CAGE1: variants seen among roughly 807,000 people sequenced by gnomAD.
CAGE1 encodes cancer antigen 1.
In CAGE1, 66 loss-of-function variants were observed where a neutral mutation model predicts 94.9. The ratio of observed to expected loss-of-function variants is 0.70; its 90% CI spans 0.57 to 0.85. The LOEUF (loss-of-function observed/expected upper bound fraction) is 0.85. Ranked by LOEUF, CAGE1 falls within the 40% of genes least tolerant of loss-of-function variation. The pLI, the probability that CAGE1 is intolerant of heterozygous loss-of-function variation, is 0.00. For missense variants in CAGE1, 865 were observed against 950.4 expected, an observed-to-expected ratio of 0.91 and a Z score of 1.18; for synonymous variants, 319 against 321.0, an observed-to-expected ratio of 0.99 and a Z score of 0.07.
intron 11 of CAGE1, among the ~76,000 whole-genome samples, chr6:7,336,111 T>C (rs527241340): frequency 6.6e-6 from 1 of 152,300 alleles, no homozygotes; most frequent in Non-Finnish European, 1.5e-5. Flanking sequence ...GAACAGAAGA[T>C]AATGTGAAAC....
intron 3 of CAGE1, among the ~76,000 whole-genome samples, chr6:7,385,456 C>A (rs1761090423): frequency 6.6e-6 from 1 of 152,198 alleles, no homozygotes; most frequent in South Asian, 2.1e-4. Context: ...ATATGATCCA[C>A]CACACCCAAC....
At chr6:7,329,382 G>A (rs2113335750) in intron 13 of CAGE1, 1 of 341,424 alleles carries the variant, frequency 2.9e-6, no homozygotes, top group Non-Finnish European at 5.3e-6. Flanking sequence ...TAGGAGGGCT[G>A]GAGCCAGATC....
At position 7,329,844 on chromosome 6, in the gene CAGE1, C is replaced by T. The variant is rs1758682905; in HGVS notation, c.2478+5G>A. On this transcript the variant is annotated splice_donor_5th_base_variant and intron_variant, in intron 13 of 13. Coordinates refer to ENST00000502583, the MANE Select transcript of CAGE1 (RefSeq NM_001170692.2). ...TTCTTTATCATGATCATCAAGGTGA[C>T]CTACCATGGTCATGGACTTCGGATG... The T allele has an allele frequency of 7.3e-7, 1 of 1,374,360 alleles. No homozygotes were observed. The highest frequency in any genetic ancestry group is 1.0e-6 in the Non-Finnish European group (1 of 976,852). The allele number at this position is 1,374,360 out of a possible 1,614,324, so 85.1% of individuals were successfully genotyped here.
At chr6:7,384,794 A>G (rs1161345002) in intron 3 of CAGE1, among the ~76,000 whole-genome samples, 2 of 151,618 alleles carry the variant, frequency 1.3e-5, no homozygotes, top group Non-Finnish European at 2.9e-5. Flanking sequence ...GGCTCACTGC[A>G]GTCTCAGCCT....
intron 3 of CAGE1, among the ~76,000 whole-genome samples, chr6:7,384,222 C>T (rs78386045): frequency 2.0e-5 from 3 of 152,064 alleles, no homozygotes; most frequent in East Asian, 1.9e-4. Context: ...GGACTACAGG[C>T]GCCCACCATC....
intron 9 of CAGE1, among the ~76,000 whole-genome samples, chr6:7,357,518 C>T (rs1759998188): frequency 6.6e-6 from 1 of 151,978 alleles, no homozygotes; most frequent in Non-Finnish European, 1.5e-5. Context: ...AAATAACAAC[C>T]CTTTTAAGTC....
intron 5 of CAGE1, 118 bp downstream of exon 5, chr6:7,372,955 T>C (rs1760593182): frequency 1.3e-6 from 1 of 795,194 alleles, no homozygotes; most frequent in African/African-American, 1.8e-5. Context: ...CGAGATCTGT[T>C]TCTTTCTTTA....
At position 7,339,545 on chromosome 6, in the gene CAGE1, CT is replaced by C. The variant is rs1329508509; in HGVS notation, c.2370-5456del. The C allele has an allele frequency of 5.1e-6, 4 of 783,480 alleles. No homozygotes were observed. Among genetic ancestry groups the C allele is most frequent in the Non-Finnish European group, 9.4e-6 (4 of 423,808 alleles). 48.5% of individuals were successfully genotyped at this position (783,480 alleles called of 1,614,324 possible). A position where few individuals can be genotyped will look rare whatever the true frequency, so the allele number is the denominator to read the frequency against. On this transcript the variant is annotated intron_variant, in intron 11 of 13. Transcript: ENST00000502583. This position sits in a 1 kb window ranked among gnomAD's most constrained non-coding sequence, Gnocchi z 4.7. ...AGATGCCATCAGTGACAAACTTCCT[CT>C]TCTTGGAAATTTGTAAGGCGATCTT...
intron 11 of CAGE1, among the ~76,000 whole-genome samples, chr6:7,345,458 G>C (rs1189803232): frequency 1.3e-5 from 2 of 152,176 alleles, no homozygotes; most frequent in East Asian, 1.9e-4. Context: ...GTGAGACCAA[G>C]TAGCCCAAGT....
At chr6:7,376,546 T>C (rs984115693) in intron 4 of CAGE1, among the ~76,000 whole-genome samples, 1 of 152,118 alleles carries the variant, frequency 6.6e-6, no homozygotes, top group Admixed American at 6.6e-5. Context: ...GCTGGCACCA[T>C]GGACCTAGCC....
intron 2 of CAGE1, among the ~76,000 whole-genome samples, chr6:7,386,410 A>G (rs1037008278): frequency 6.6e-6 from 1 of 152,226 alleles, no homozygotes; most frequent in Non-Finnish European, 1.5e-5. Context: ...TGAAGACAGG[A>G]AAGTTGTCAT....
chr6:7,332,197 G>A (rs540394690), intron 12 of CAGE1, among the ~76,000 whole-genome samples: 14 of 152,140 alleles, frequency 9.2e-5, no homozygotes, highest in Non-Finnish European at 2.1e-4. Flanking sequence ...TTTGTAGGAG[G>A]AGAGCAAAGG....
chr6:7,329,838 A>C lies in CAGE1; in HGVS notation c.2478+11T>G, dbSNP rs758184536. The C allele has an allele frequency of 1.1e-5, 15 of 1,339,048 alleles. No homozygotes were observed. The South Asian group carries it at 1.8e-4, about 16-fold the overall frequency. 82.9% of individuals were successfully genotyped at this position (1,339,048 alleles called of 1,614,324 possible). On this transcript the variant is annotated intron_variant, in intron 13 of 13. Transcript: ENST00000502583. ...GTAAGATTCTTTATCATGATCATCA[A>C]GGTGACCTACCATGGTCATGGACTT... is the stretch of plus-strand genomic sequence containing the variant.
Position 7,389,736 on chromosome 6 carries a change from G to T in CAGE1, c.-558C>A. ...AGCCCTATACAGCGCGCCATCCAGA[G>T]AGCTCCGGACTCCCAGCTCGGCGCA... On this transcript the variant is annotated 5_prime_UTR_variant, in exon 1 of 14. Transcript: ENST00000502583. The T allele has an allele frequency of 1.8e-6, 1 of 567,164 alleles. No homozygotes were observed. The highest frequency in any genetic ancestry group is 3.0e-5 in the East Asian group (1 of 33,768). 35.1% of individuals were successfully genotyped at this position (567,164 alleles called of 1,614,324 possible). A position where few individuals can be genotyped will look rare whatever the true frequency, so the allele number is the denominator to read the frequency against.
intron 1 of CAGE1, 52 bp downstream of exon 1, chr6:7,389,150 C>T: frequency 2.5e-6 from 1 of 407,264 alleles, no homozygotes; most frequent in Admixed American, 2.8e-5. Flanking sequence ...GAGTTACTCG[C>T]AAAAACTATA....
chr6:7,381,825 G>C (rs181060156), intron 3 of CAGE1, among the ~76,000 whole-genome samples: 3 of 147,912 alleles, frequency 2.0e-5, no homozygotes, highest in African/African-American at 7.5e-5. Context: ...CACTGTGCCC[G>C]GCCTGAATTA....
chr6:7,352,452 G>A (rs542221665), intron 11 of CAGE1, among the ~76,000 whole-genome samples: 1 of 152,014 alleles, frequency 6.6e-6, no homozygotes, highest in African/African-American at 2.4e-5. Flanking sequence ...TCAATATTGT[G>A]AAAATGACCA....
chr6:7,328,912 GTGTGTGTA>G (rs1349822595), intron 13 of CAGE1, among the ~76,000 whole-genome samples: 30 of 64,836 alleles, frequency 4.6e-4, no homozygotes, highest in East Asian at 2.1e-3. Flanking sequence ...GTGTGTGTGT[GTGTGTGTA>G]TATATATATA....
Position 7,334,017 on chromosome 6 carries a change from C to T in CAGE1, c.2438+5G>A. The T allele has an allele frequency of 6.6e-7, 1 of 1,508,810 alleles. No homozygotes were observed. Among genetic ancestry groups the T allele is most frequent in the South Asian group, 1.2e-5 (1 of 81,690 alleles). 93.5% of individuals were successfully genotyped at this position (1,508,810 alleles called of 1,614,324 possible). A position where few individuals can be genotyped will look rare whatever the true frequency, so the allele number is the denominator to read the frequency against. The stretch of plus-strand genomic sequence containing the variant: ...TATTAATTTTAAAAATAAAGGGAAA[C>T]TTACCTTGGTTTTCTGGCTTTTTCT... On this transcript the variant is annotated splice_donor_5th_base_variant and intron_variant, in intron 12 of 13. Transcript: ENST00000502583.
Sources: allele counts gnomAD v4.1 joint callset (sites outside exome capture counted in the v4.1 genomes callset), GRCh38; gene constraint gnomAD v4.1.1; non-coding constraint Gnocchi (gnomAD v3.1); transcripts MANE v1.5; gene names NCBI Gene and HGNC (gene_info 2026-07-23, HGNC 2026-07-21).